Variants in CFAP69 observed in about 807,000 individuals in gnomAD.
CFAP69 encodes cilia and flagella associated protein 69.
In CFAP69, 92 loss-of-function variants were observed where a neutral mutation model predicts 123.0. The ratio of observed to expected loss-of-function variants is 0.75; its 90% CI spans 0.63 to 0.89. The LOEUF (loss-of-function observed/expected upper bound fraction) is 0.89, where lower values mean the gene tolerates loss of function less well. Ranked by LOEUF, CFAP69 falls within the 40% of genes least tolerant of loss-of-function variation. CFAP69 has a pLI of 0.00. For synonymous variants in CFAP69, 380 were observed against 364.3 expected (o/e 1.04, Z -0.49); for missense variants, 1,067 against 1,096.9 (o/e 0.97, Z 0.39).
Position 90,282,983 on chromosome 7 carries a change from AG to A in CFAP69, c.1465del (p.Ala489ProfsTer10), listed in dbSNP as rs1376318603. The A allele has an allele frequency of 1.5e-5, 24 of 1,601,702 alleles. No individual in the cohort carries two copies. The highest frequency in any genetic ancestry group is 6.9e-5 in the Admixed American group (4 of 57,876). On this transcript the variant is annotated frameshift_variant, in exon 13 of 23. Coordinates refer to ENST00000389297, the MANE Select transcript of CFAP69 (RefSeq NM_001039706.3). ...TGCGTTACAGTTTAAGACTCCTGAGAGCCGTGGTCTACCTTGAAGATGAGAC... is the reference window on the plus strand; with the variant it reads ...TGCGTTACAGTTTAAGACTCCTGAGACCGTGGTCTACCTTGAAGATGAGAC... ...QMRYSLRLLR[A>X]VVYLEDETVN...
At chr7:90,276,162 A>C (rs1788570698) in intron 9 of CFAP69, 1 of 152,232 alleles carries the variant, frequency 6.6e-6, no homozygotes, top group Non-Finnish European at 1.5e-5. Context: ...CGTAAGTTCT[A>C]GTTGTGCTAC....
At position 90,306,925 on chromosome 7, in the gene CFAP69, T is replaced by C; in HGVS notation, c.2290T>C (p.Tyr764His). The change falls in exon 20 of 23, where the codon TAT becomes CAT. Residue 764 changes from tyrosine to histidine, a missense_variant. Transcript: ENST00000389297. ...FKIGEIWNEI[Y>H]EEIKLEKLRP... ...GATTGGAGAAATATGGAATGAAATA[T>C]ATGAAGAAATAAAATTAGAAAAATT... The C allele has an allele frequency of 2.6e-6, 4 of 1,541,390 alleles. No individual in the cohort carries two copies. Among genetic ancestry groups the C allele is most frequent in the Non-Finnish European group, 3.6e-6 (4 of 1,123,022 alleles).
chr7:90,306,941 T>C lies in CFAP69; in HGVS notation c.2306T>C (p.Leu769Ser), dbSNP rs759437557. ...AATGAAATATATGAAGAAATAAAAT[T>C]AGAAAAATTAAGACCAGTCACTACA... ...IWNEIYEEIK[L>S]EKLRPVTTDK... Residue 769 changes from leucine to serine, a missense_variant, in exon 20 of 23, where the codon TTA (leucine) becomes TCA (serine). Physicochemically the swap from Leu to Ser is moderately radical, Grantham distance 145. Transcript: ENST00000389297. 3 of 1,565,310 alleles carry C rather than the reference T, an allele frequency of 1.9e-6. No individual in the cohort carries two copies. Among genetic ancestry groups the C allele is most frequent in the Non-Finnish European group, 2.6e-6 (3 of 1,143,288 alleles).
chr7:90,271,652 T>G lies in CFAP69; in HGVS notation c.659T>G (p.Val220Gly), dbSNP rs1044364587. The G allele has an allele frequency of 1.2e-6, 2 of 1,613,468 alleles. No homozygotes were observed. The highest frequency in any genetic ancestry group is 1.7e-6 in the Non-Finnish European group (2 of 1,179,666). ...GTTGAGAAACTTTGGGTACTTAAAG[T>G]TCTGCAGCATCTCTCAACTTCTGGT... ...QLVEKLWVLKVLQHLSTSEVN... is the reference protein window; with the variant it reads ...QLVEKLWVLKGLQHLSTSEVN... The change falls in exon 7 of 23, where the codon GTT becomes GGT. Residue 220 changes from valine to glycine, a missense_variant. Physicochemically the swap from Val to Gly is moderately radical, Grantham distance 109. Transcript: ENST00000389297.
intron 1 of CFAP69, among the ~76,000 whole-genome samples, chr7:90,254,521 G>A (rs1311217463): frequency 6.6e-6 from 1 of 152,150 alleles, no homozygotes; most frequent in Non-Finnish European, 1.5e-5. Flanking sequence ...GAACTTTGGG[G>A]CAGGGAGTGG....
At chr7:90,309,176 C>T (rs1180400629) in intron 21 of CFAP69, 87 bp from the exon 22 acceptor site, 1 of 624,134 alleles carries the variant, frequency 1.6e-6, no homozygotes, top group Non-Finnish European at 2.7e-6. Flanking sequence ...ATAAGCCAGA[C>T]ACAATTAAAT....
intron 1 of CFAP69, 47 bp from the exon 2 acceptor site, chr7:90,255,376 T>C (rs1481510721): frequency 9.7e-6 from 14 of 1,450,120 alleles, no homozygotes; most frequent in Admixed American, 3.4e-5. Flanking sequence ...ATATGACTTA[T>C]TGATATAGAA....
intron 15 of CFAP69, among the ~76,000 whole-genome samples, chr7:90,289,626 A>G (rs935846700): frequency 6.6e-6 from 1 of 152,082 alleles, no homozygotes; most frequent in African/African-American, 2.4e-5. Flanking sequence ...TCTTAATTTC[A>G]GTGTGGTCCA....
At chr7:90,266,545 C>T (rs1433722616) in intron 5 of CFAP69, among the ~76,000 whole-genome samples, 1 of 151,976 alleles carries the variant, frequency 6.6e-6, no homozygotes, top group Non-Finnish European at 1.5e-5. Context: ...ATATTGCTTC[C>T]AAGAGTGTTG....
intron 13 of CFAP69, among the ~76,000 whole-genome samples, chr7:90,283,968 G>T (rs1029093498): frequency 6.6e-6 from 1 of 151,972 alleles, no homozygotes; most frequent in Non-Finnish European, 1.5e-5. Context: ...TTACCTTTTT[G>T]CCCAGTTTGT....
intron 3 of CFAP69, among the ~76,000 whole-genome samples, chr7:90,261,240 G>A (rs184149117): frequency 1.1e-3 from 173 of 152,118 alleles, no homozygotes; most frequent in African/African-American, 3.7e-3. Flanking sequence ...CACGCCCAGC[G>A]AATTTTGTAT....
chr7:90,306,537 G>A (rs188293594), intron 19 of CFAP69, among the ~76,000 whole-genome samples: 2 of 149,772 alleles, frequency 1.3e-5, no homozygotes, highest in East Asian at 3.9e-4. Context: ...TTCAATATAG[G>A]GCTTTAGGGA....
At chr7:90,246,812 G>A (rs1018464892) in intron 1 of CFAP69, among the ~76,000 whole-genome samples, 2 of 146,310 alleles carry the variant, frequency 1.4e-5, no homozygotes, top group African/African-American at 2.6e-5. Context: ...GCAAGCAAGC[G>A]TGGATTTTTT....
intron 1 of CFAP69, among the ~76,000 whole-genome samples, 172 bp downstream of exon 1, chr7:90,245,716 G>A (rs1796246368): frequency 6.6e-6 from 1 of 152,230 alleles, no homozygotes; most frequent in East Asian, 1.9e-4. Flanking sequence ...CACCCCCTGC[G>A]AACTGCACCG....
intron 15 of CFAP69, among the ~76,000 whole-genome samples, chr7:90,291,031 AC>A (rs1342310179): frequency 6.6e-6 from 1 of 152,130 alleles, no homozygotes; most frequent in African/African-American, 2.4e-5. Context: ...CAAAGTAGGC[AC>A]TTTAGCAAAT....
intron 17 of CFAP69, chr7:90,303,699 A>G (rs1455725381): frequency 2.0e-6 from 2 of 1,006,490 alleles, no homozygotes; most frequent in Non-Finnish European, 1.2e-6. Flanking sequence ...AATTATTTAC[A>G]TAGAAGTTTT....
Position 90,288,155 on chromosome 7 carries a change from T to A in CFAP69, c.1657-79T>A, listed in dbSNP as rs142415363. On this transcript the variant is annotated intron_variant, in intron 14 of 22. Transcript: ENST00000389297. ...GTATTTCTCTGGTAAAAAAGCAATA[T>A]TAGGGGACCGATAAAGTAGGAAAGG... 9.3e-5 allele frequency: 108 copies of A among 1,157,790 alleles called. No homozygotes were observed. The African/African-American group carries it at 1.6e-3, about 17-fold the overall frequency. 71.7% of individuals were successfully genotyped at this position (1,157,790 alleles called of 1,614,324 possible). A position where few individuals can be genotyped will look rare whatever the true frequency, so the allele number is the denominator to read the frequency against.
chr7:90,296,268 G>C (rs1305933043), intron 15 of CFAP69, among the ~76,000 whole-genome samples: 1 of 152,148 alleles, frequency 6.6e-6, no homozygotes, highest in Non-Finnish European at 1.5e-5. Flanking sequence ...ATTTTACAGA[G>C]TTTCATTCTG....
At chr7:90,264,579 T>A in intron 4 of CFAP69, among the ~76,000 whole-genome samples, 1 of 152,204 alleles carries the variant, frequency 6.6e-6, no homozygotes. Flanking sequence ...AGATCTATGG[T>A]TTGTTCCAGA....
Sources: gnomAD v4.1 joint callset for allele counts (sites outside exome capture counted in the v4.1 genomes callset) on GRCh38, gnomAD v4.1.1 for gene constraint, MANE v1.5 for transcripts, NCBI Gene and HGNC (gene_info 2026-07-23, HGNC 2026-07-21) for gene names.